P2RY11: variants seen among roughly 807,000 people sequenced by gnomAD.
P2RY11 encodes the protein P2Y purinoceptor 11.
P2RY11 carries 3 observed loss-of-function variants against 2.4 expected under a neutral mutation model. The ratio of observed to expected loss-of-function variants is 1.22; its 90% CI spans 0.56 to 3.17. The LOEUF (loss-of-function observed/expected upper bound fraction) is 3.17. Among genes scored for constraint, P2RY11 ranks in the 30% most tolerant of loss-of-function variants. The probability of loss-of-function intolerance (pLI) is 0.03; values close to 1 mark genes in which losing one functional copy is unlikely to be tolerated. For synonymous variants in P2RY11, 307 were observed against 237.3 expected (o/e 1.29, Z -2.70); for missense variants, 670 against 528.2 (o/e 1.27, Z -2.63).
rs2089211996 is a variant in P2RY11, at chr19:10,114,953, G to A, written c.*215G>A. ...AGGGTCAGGGACCAGACCACGCCCAGAGGAGGGGAGGCACTGGCCCCCGCC... is the reference window on the plus strand; with the variant it reads ...AGGGTCAGGGACCAGACCACGCCCAAAGGAGGGGAGGCACTGGCCCCCGCC... On this transcript the variant is annotated 3_prime_UTR_variant, in exon 2 of 2. Coordinates refer to ENST00000321826, the MANE Select transcript of P2RY11 (RefSeq NM_002566.5). 1 of 1,404,010 alleles carries A rather than the reference G, an allele frequency of 7.1e-7. No individual in the cohort carries two copies. The highest frequency in any genetic ancestry group is 9.8e-7 in the Non-Finnish European group (1 of 1,020,378). 87.0% of individuals were successfully genotyped at this position (1,404,010 alleles called of 1,614,324 possible).
At position 10,111,813 on chromosome 19, in the gene P2RY11, A is replaced by G. The variant is rs377502733; in HGVS notation, c.19+73A>G. ...GGAGGTGGGGGTAGTGGGTATTGGT[A>G]AAACACCTAGGTCTGGGGCTGGGCA... On this transcript the variant is annotated intron_variant, in intron 1 of 1. Coordinates refer to ENST00000321826, the MANE Select transcript of P2RY11 (RefSeq NM_002566.5). 5.1e-5 allele frequency: 79 copies of G among 1,563,168 alleles called. No homozygotes were observed. The African/African-American group carries it at 9.9e-4, about 20-fold the overall frequency.
chr19:10,114,426 C>T lies in P2RY11; in HGVS notation c.813C>T (p.Asn271=), dbSNP rs145069324. Reference sequence around the variant, plus strand: ...CCTACCACATCATGCGGGTGCTCAACGTGGATGCTCGGCGGCGCTGGAGCA... The same window carrying T: ...CCTACCACATCATGCGGGTGCTCAATGTGGATGCTCGGCGGCGCTGGAGCA... ...YVPYHIMRVL[N]VDARRRWSTR... Residue 271 remains asparagine (N), a synonymous_variant, in exon 2 of 2, where the codon AAC becomes AAT. Coordinates refer to ENST00000321826, the MANE Select transcript of P2RY11 (RefSeq NM_002566.5). 8 of 1,611,294 alleles carry T rather than the reference C, an allele frequency of 5.0e-6. No individual in the cohort carries two copies. The highest frequency in any genetic ancestry group is 2.2e-5 in the East Asian group (1 of 44,882).
chr19:10,114,545 C>CCCTGGCCTTCTGTGTCCA lies in P2RY11; in HGVS notation c.935_952dup (p.Leu312_His317dup). ...TACCAGGTGATGCGGGGCCTCATGC[C>CCCTGGCCTTCTGTGTCCA]CCTGGCCTTCTGTGTCCACCCTCTA... is the stretch of plus-strand genomic sequence containing the variant. On this transcript the variant is annotated inframe_insertion, in exon 2 of 2. Transcript: ENST00000321826. 8 of 1,612,612 alleles carry CCCTGGCCTTCTGTGTCCA rather than the reference C, an allele frequency of 5.0e-6. No individual in the cohort carries two copies. Among genetic ancestry groups the CCCTGGCCTTCTGTGTCCA allele is most frequent in the Non-Finnish European group, 5.1e-6 (6 of 1,179,232 alleles).
In P2RY11 at chr19:10,114,486, C is replaced by T. The variant is rs1476513460; in HGVS notation, c.873C>T (p.Ala291=). The T allele has an allele frequency of 3.7e-6, 6 of 1,611,072 alleles. No individual in the cohort carries two copies. In the Admixed American group the frequency reaches 8.3e-5, roughly 22 times the overall value. Reference sequence around the variant, plus strand: ...CGAGCTTTGCAGACATAGCCCAGGCCACAGCAGCCCTGGAGCTGGGGCCCT... The same window carrying T: ...CGAGCTTTGCAGACATAGCCCAGGCTACAGCAGCCCTGGAGCTGGGGCCCT... ...RCPSFADIAQ[A]TAALELGPYV... Residue 291 remains alanine, a synonymous_variant, in exon 2 of 2, where the codon GCC becomes GCT. Coordinates refer to ENST00000321826, the MANE Select transcript of P2RY11 (RefSeq NM_002566.5).
rs2089182598 is a variant in P2RY11, at chr19:10,113,978, G to GCAT, written c.368_370dup (p.Ile123dup). The GCAT allele has an allele frequency of 6.2e-7, 1 of 1,601,558 alleles. No individual in the cohort carries two copies. Among genetic ancestry groups the GCAT allele is most frequent in the African/African-American group, 1.3e-5 (1 of 74,906 alleles). On this transcript the variant is annotated inframe_insertion, in exon 2 of 2. Transcript: ENST00000321826. ...CTGGGCAGCGTCATCTTCATCACCT[G>GCAT]CATCAGCCTCAACCGCTACCTGGGC...
chr19:10,114,458 G>A lies in P2RY11; in HGVS notation c.845G>A (p.Cys282Tyr). The A allele has an allele frequency of 1.9e-6, 3 of 1,611,912 alleles. No homozygotes were observed. Among genetic ancestry groups the A allele is most frequent in the Non-Finnish European group, 2.5e-6 (3 of 1,179,838 alleles). ...VDARRRWSTRCPSFADIAQAT... is the reference protein window; with the variant it reads ...VDARRRWSTRYPSFADIAQAT... ...GCTCGGCGGCGCTGGAGCACCCGCTGCCCGAGCTTTGCAGACATAGCCCAG... is the reference window on the plus strand; with the variant it reads ...GCTCGGCGGCGCTGGAGCACCCGCTACCCGAGCTTTGCAGACATAGCCCAG... The change falls in exon 2 of 2, where the codon TGC becomes TAC. Residue 282 changes from cysteine (C) to tyrosine (Y), a missense_variant. Cys to Tyr is a radical substitution (Grantham distance 194, BLOSUM62 -2). Transcript: ENST00000321826.
intron 1 of P2RY11, among the ~76,000 whole-genome samples, chr19:10,112,867 G>A (rs1251312232): frequency 1.3e-5 from 2 of 152,162 alleles, no homozygotes; most frequent in African/African-American, 4.8e-5. Flanking sequence ...ACTTGAACCC[G>A]GGAGGCAGAG....
In P2RY11 at chr19:10,114,462, G is replaced by C; in HGVS notation, c.849G>C (p.Pro283=). The C allele has an allele frequency of 1.2e-6, 2 of 1,612,062 alleles. No individual in the cohort carries two copies. The highest frequency in any genetic ancestry group is 1.7e-6 in the Non-Finnish European group (2 of 1,179,798). Residue 283 remains proline, a synonymous_variant, in exon 2 of 2, where the codon CCG becomes CCC. Transcript: ENST00000321826. ...DARRRWSTRC[P]SFADIAQATA... is the part of the protein sequence containing the mutation. ...GGCGGCGCTGGAGCACCCGCTGCCC[G>C]AGCTTTGCAGACATAGCCCAGGCCA...
rs1037725736 is a variant in P2RY11, at chr19:10,114,082, G to A, written c.469G>A (p.Ala157Thr). 3.7e-6 allele frequency: 6 copies of A among 1,600,340 alleles called. No individual in the cohort carries two copies. Among genetic ancestry groups the A allele is most frequent in the Non-Finnish European group, 5.1e-6 (6 of 1,179,466 alleles). Reference protein sequence around the residue: ...WAVSAAGWVLAALLAMPTLSF... With the variant: ...WAVSAAGWVLTALLAMPTLSF... Reference sequence around the variant, plus strand: ...CGTGAGCGCTGCCGGCTGGGTCCTGGCCGCCCTGCTGGCCATGCCCACACT... The same window carrying A: ...CGTGAGCGCTGCCGGCTGGGTCCTGACCGCCCTGCTGGCCATGCCCACACT... The change falls in exon 2 of 2, where the codon GCC becomes ACC. Residue 157 changes from alanine (A) to threonine (T), a missense_variant. Coordinates refer to ENST00000321826, the MANE Select transcript of P2RY11 (RefSeq NM_002566.5).
At position 10,115,314 on chromosome 19, in the gene P2RY11, C is replaced by G. The variant is rs1328595810; in HGVS notation, c.*576C>G. ...CTGGCAGGGACCCCAGGCACAAGAG[C>G]TGCCACCCCTCTGCCCGGTTTTGGA... On this transcript the variant is annotated 3_prime_UTR_variant, in exon 2 of 2. Coordinates refer to ENST00000321826, the MANE Select transcript of P2RY11 (RefSeq NM_002566.5). 9.1e-7 allele frequency: 1 copy of G among 1,096,400 alleles called. No homozygotes were observed. Among genetic ancestry groups the G allele is most frequent in the African/African-American group, 1.6e-5 (1 of 62,968 alleles). The allele number at this position is 1,096,400 out of a possible 1,614,324, so 67.9% of individuals were successfully genotyped here. A position where few individuals can be genotyped will look rare whatever the true frequency, so the allele number is the denominator to read the frequency against.
At position 10,114,556 on chromosome 19, in the gene P2RY11, T is replaced by C. The variant is rs766586598; in HGVS notation, c.943T>C (p.Cys315Arg). The change falls in exon 2 of 2, where the codon TGT becomes CGT. Residue 315 changes from cysteine to arginine, a missense_variant. Coordinates refer to ENST00000321826, the MANE Select transcript of P2RY11 (RefSeq NM_002566.5). ...VMRGLMPLAF[C>R]VHPLLYMAAV... ...GCGGGGCCTCATGCCCCTGGCCTTCTGTGTCCACCCTCTACTCTACATGGC... is the reference window on the plus strand; with the variant it reads ...GCGGGGCCTCATGCCCCTGGCCTTCCGTGTCCACCCTCTACTCTACATGGC... The C allele has an allele frequency of 2.5e-6, 4 of 1,613,114 alleles. No homozygotes were observed. The highest frequency in any genetic ancestry group is 3.4e-6 in the Non-Finnish European group (4 of 1,179,502).
Position 10,114,707 on chromosome 19 carries a change from C to CA in P2RY11, c.1095dup (p.Glu366ArgfsTer6). 3.1e-6 allele frequency: 5 copies of CA among 1,611,152 alleles called. No individual in the cohort carries two copies. The highest frequency in any genetic ancestry group is 2.2e-5 in the East Asian group (1 of 44,790). On this transcript the variant is annotated frameshift_variant, in exon 2 of 2. Coordinates refer to ENST00000321826, the MANE Select transcript of P2RY11 (RefSeq NM_002566.5). LOFTEE classifies it high-confidence loss of function. ...AATGCCACAGCCGCCCCTAAACCGT[C>CA]AGAGCCCCAGTCCCGTGAGCTGAGC... is the stretch of plus-strand genomic sequence containing the variant.
rs2089197498 is a variant in P2RY11, at chr19:10,114,497, T to C, written c.884T>C (p.Leu295Pro). The C allele has an allele frequency of 6.2e-7, 1 of 1,610,128 alleles. No homozygotes were observed. The highest frequency in any genetic ancestry group is 1.3e-5 in the African/African-American group (1 of 74,874). ...FADIAQATAA[L>P]ELGPYVGYQV... ...GACATAGCCCAGGCCACAGCAGCCC[T>C]GGAGCTGGGGCCCTACGTGGGCTAC... Residue 295 changes from leucine to proline, a missense_variant, in exon 2 of 2, where the codon CTG (leucine) becomes CCG (proline). By Grantham distance (98) the Leu-to-Pro change is moderately conservative. Coordinates refer to ENST00000321826, the MANE Select transcript of P2RY11 (RefSeq NM_002566.5).
Position 10,113,676 on chromosome 19 carries a change from CAA to C in P2RY11, c.65_66del (p.Lys22ThrfsTer16). ...CCAACTTCTTGGCAGCTGCCGACGA[CAA>C]ACTCAGTGGGTTCCAGGGGGACTTC... The part of the protein sequence containing the change: ...PANFLAAADD[K>X]LSGFQGDFLW... On this transcript the variant is annotated frameshift_variant, in exon 2 of 2. Transcript: ENST00000321826. LOFTEE classifies it low-confidence loss of function (END_TRUNC). 6.3e-7 allele frequency: 1 copy of C among 1,591,800 alleles called. No individual in the cohort carries two copies. The highest frequency in any genetic ancestry group is 1.7e-5 in the Admixed American group (1 of 58,106).
chr19:10,112,308 C>T (rs1313752149), intron 1 of P2RY11: 2 of 153,570 alleles, frequency 1.3e-5, no homozygotes, highest in East Asian at 1.9e-4. Context: ...GACACTTCCT[C>T]CTTAAGCAGG....
chr19:10,113,599 A>G, intron 1 of P2RY11, 34 bp from the exon 2 acceptor site: 2 of 1,586,906 alleles, frequency 1.3e-6, no homozygotes, highest in Non-Finnish European at 1.7e-6. Context: ...TTATGGGGGA[A>G]TAGGGCTCAG....
Position 10,113,633 on chromosome 19 carries a change from G to A in P2RY11, c.20G>A (p.Gly7Asp), listed in dbSNP as rs769726757. 1.9e-6 allele frequency: 3 copies of A among 1,607,358 alleles called. No individual in the cohort carries two copies. Among genetic ancestry groups the A allele is most frequent in the Middle Eastern group, 1.7e-4 (1 of 6,046 alleles). The change falls in exon 2 of 2, where the codon GGT (glycine) becomes GAT (aspartate). Residue 7 changes from glycine to aspartate, a missense_variant and splice_region_variant. Transcript: ENST00000321826. ...AGCTGGTGACACCTTCTGCCCACAGGTGCCAAGTCCTGCCCTGCCAACTTC... is the reference window on the plus strand; with the variant it reads ...AGCTGGTGACACCTTCTGCCCACAGATGCCAAGTCCTGCCCTGCCAACTTC... MAANVSGAKSCPANFLA... is the reference protein window; with the variant it reads MAANVSDAKSCPANFLA...
At position 10,113,924 on chromosome 19, in the gene P2RY11, T is replaced by C; in HGVS notation, c.311T>C (p.Leu104Pro). Residue 104 changes from leucine to proline, a missense_variant, in exon 2 of 2, where the codon CTG (leucine) becomes CCG (proline). Physicochemically the swap from Leu to Pro is moderately conservative, Grantham distance 98 (BLOSUM62 -3). Coordinates refer to ENST00000321826, the MANE Select transcript of P2RY11 (RefSeq NM_002566.5). ...CGCTATGGGGAGGCCGCGTGCCGCCTGGAGCGCTTCCTCTTCACCTGCAAC... is the reference window on the plus strand; with the variant it reads ...CGCTATGGGGAGGCCGCGTGCCGCCCGGAGCGCTTCCTCTTCACCTGCAAC... ...HWRYGEAACR[L>P]ERFLFTCNLL... The C allele has an allele frequency of 6.2e-7, 1 of 1,604,034 alleles. No individual in the cohort carries two copies. Among genetic ancestry groups the C allele is most frequent in the Non-Finnish European group, 8.5e-7 (1 of 1,179,872 alleles).
chr19:10,115,027 G>A lies in P2RY11; in HGVS notation c.*289G>A. ...AAAAGAACCAAGTAGAGAGAGTGGA[G>A]CTGCTTTATTGCCCTTGGAGCCCGC... On this transcript the variant is annotated 3_prime_UTR_variant, in exon 2 of 2. Coordinates refer to ENST00000321826, the MANE Select transcript of P2RY11 (RefSeq NM_002566.5). 6.3e-7 allele frequency: 1 copy of A among 1,579,464 alleles called. No homozygotes were observed. The highest frequency in any genetic ancestry group is 8.7e-7 in the Non-Finnish European group (1 of 1,155,130).
Sources: gnomAD v4.1 joint callset for allele counts (sites outside exome capture counted in the v4.1 genomes callset) on GRCh38, gnomAD v4.1.1 for gene constraint, MANE v1.5 for transcripts, NCBI Gene and HGNC (gene_info 2026-07-23, HGNC 2026-07-21) for gene names.